ZGRF1: variants seen among roughly 807,000 people sequenced by gnomAD.
ZGRF1 encodes 5'-3' DNA helicase ZGRF1.
A neutral mutation model predicts 203.5 loss-of-function variants in ZGRF1; 196 were observed. That is an observed-to-expected ratio of 0.96 (90% CI 0.86 to 1.08). ZGRF1 has a LOEUF of 1.08. Among genes scored for constraint, ZGRF1 ranks in the 50% least tolerant of loss-of-function variants. The pLI, the probability that ZGRF1 is intolerant of heterozygous loss-of-function variation, is 0.00. For synonymous variants in ZGRF1, 809 were observed against 841.3 expected, an observed-to-expected ratio of 0.96 and a Z score of 0.66; for missense variants, 2,326 against 2,416.3, an observed-to-expected ratio of 0.96 and a Z score of 0.78.
At chr4:112,568,993 C>A (rs1423497398) in intron 16 of ZGRF1, among the ~76,000 whole-genome samples, 1 of 151,624 alleles carries the variant, frequency 6.6e-6, no homozygotes, top group South Asian at 2.1e-4. Flanking sequence ...TCCAGCCTGG[C>A]GACAGAGCAA....
chr4:112,619,959 T>G (rs62316616), intron 5 of ZGRF1, 43 bp downstream of exon 5: 5 of 1,422,278 alleles, frequency 3.5e-6, no homozygotes, highest in Non-Finnish European at 4.7e-6. Context: ...GAGACAATTT[T>G]ATAAATATAT....
At chr4:112,588,528 G>C (rs1476176209) in intron 11 of ZGRF1, among the ~76,000 whole-genome samples, 1 of 152,044 alleles carries the variant, frequency 6.6e-6, no homozygotes, top group East Asian at 1.9e-4. Flanking sequence ...TATAATTCTG[G>C]TAAACTCATG....
chr4:112,561,084 G>C (rs1045766486), intron 18 of ZGRF1, 89 bp from the exon 19 acceptor site: 11 of 1,054,870 alleles, frequency 1.0e-5, no homozygotes, highest in Non-Finnish European at 1.6e-5. Flanking sequence ...CCATCACTTT[G>C]TAAGCATTAC....
At chr4:112,583,692 T>A (rs1027954952) in intron 15 of ZGRF1, among the ~76,000 whole-genome samples, 3 of 151,926 alleles carry the variant, frequency 2.0e-5, no homozygotes, top group African/African-American at 7.3e-5. Context: ...AAGTCCTAGC[T>A]ACTCAGGAGG....
chr4:112,614,571 ATAATCC>A (rs2046800747), intron 6 of ZGRF1, among the ~76,000 whole-genome samples: 3 of 152,314 alleles, frequency 2.0e-5, no homozygotes, highest in Admixed American at 6.5e-5. Context: ...GCTCACGCCT[ATAATCC>A]CAGCACTTCG....
At chr4:112,548,651 T>C (rs954045250) in intron 22 of ZGRF1, among the ~76,000 whole-genome samples, 2 of 151,226 alleles carry the variant, frequency 1.3e-5, no homozygotes, top group African/African-American at 4.9e-5. Context: ...AGTATCACAA[T>C]ATCAAGCATT....
At chr4:112,584,552 T>G (rs80039839) in intron 14 of ZGRF1, among the ~76,000 whole-genome samples, 10,671 of 152,216 alleles carry the variant, frequency 0.07, 516 homozygotes, top group Non-Finnish European at 0.099. Context: ...AACAAACACA[T>G]GTAAATTTTT....
chr4:112,540,907 G>T lies in ZGRF1; in HGVS notation c.5824C>A (p.Leu1942Ile). ...FHNVAEATFT[L>I]KLIQSLIASG... The stretch of plus-strand genomic sequence containing the variant: ...GCAATCAGTGATTGAATCAGCTTGA[G>T]TGTAAACGTAGCTTCTGCCACATTA... Residue 1942 changes from leucine (L) to isoleucine (I), a missense_variant, in exon 26 of 28, where the codon CTC (leucine) becomes ATC (isoleucine). Coordinates refer to ENST00000505019, the MANE Select transcript of ZGRF1 (RefSeq NM_018392.5). 6.3e-7 allele frequency: 1 copy of T among 1,582,522 alleles called. No individual in the cohort carries two copies.
At chr4:112,616,384 G>C (rs1266860669) in intron 6 of ZGRF1, among the ~76,000 whole-genome samples, 1 of 151,642 alleles carries the variant, frequency 6.6e-6, no homozygotes, top group African/African-American at 2.4e-5. Context: ...AATTAGCTGG[G>C]CATGGTGGCG....
intron 21 of ZGRF1, among the ~76,000 whole-genome samples, chr4:112,554,342 A>G (rs1442479625): frequency 6.6e-6 from 1 of 151,822 alleles, no homozygotes; most frequent in African/African-American, 2.4e-5. Flanking sequence ...TGATCCCATT[A>G]CTGGGTATAT....
chr4:112,585,521 G>A lies in ZGRF1; in HGVS notation c.4101+20C>T. Reference sequence around the variant, plus strand: ...TAAGACAAGTATTTGGTATGGTAGGGGGAGGGGAAGCAAGAATACCTTATT... The same window carrying A: ...TAAGACAAGTATTTGGTATGGTAGGAGGAGGGGAAGCAAGAATACCTTATT... On this transcript the variant is annotated intron_variant, in intron 14 of 27. Coordinates refer to ENST00000505019, the MANE Select transcript of ZGRF1 (RefSeq NM_018392.5). The A allele has an allele frequency of 6.3e-7, 1 of 1,594,824 alleles. No individual in the cohort carries two copies. The highest frequency in any genetic ancestry group is 2.2e-5 in the East Asian group (1 of 44,528).
intron 22 of ZGRF1, 24 bp downstream of exon 22, chr4:112,553,811 C>T: frequency 6.3e-7 from 1 of 1,578,232 alleles, no homozygotes; most frequent in Non-Finnish European, 8.6e-7. Flanking sequence ...AATCAAGAAA[C>T]AAATTGAAGC....
At position 112,633,257 on chromosome 4, in the gene ZGRF1, G is replaced by C. The variant is rs62317767; in HGVS notation, c.-66-15C>G. On this transcript the variant is annotated splice_polypyrimidine_tract_variant and intron_variant, in intron 1 of 27. Transcript: ENST00000505019. Reference sequence around the variant, plus strand: ...ATTTATACCACCTAAAATTAAAAATGACATAAAATTTCAACCCTGATTTTT... The same window carrying C: ...ATTTATACCACCTAAAATTAAAAATCACATAAAATTTCAACCCTGATTTTT... 6.0e-6 allele frequency: 7 copies of C among 1,168,038 alleles called. No homozygotes were observed. The highest frequency in any genetic ancestry group is 1.4e-5 in the South Asian group (1 of 73,248). The allele number at this position is 1,168,038 out of a possible 1,614,324, so 72.4% of individuals were successfully genotyped here.
chr4:112,612,707 G>C, intron 6 of ZGRF1, 119 bp from the exon 7 acceptor site: 1 of 599,058 alleles, frequency 1.7e-6, no homozygotes, highest in Non-Finnish European at 3.0e-6. Flanking sequence ...AGACAATCTT[G>C]GTAATTGTTC....
intron 1 of ZGRF1, 110 bp from the exon 2 acceptor site, chr4:112,633,352 TA>T: frequency 1.7e-6 from 1 of 590,308 alleles, no homozygotes. Context: ...GTTCCAAGAT[TA>T]CCTAACTACC....
intron 11 of ZGRF1, chr4:112,589,483 G>C: frequency 1.9e-6 from 1 of 529,752 alleles, no homozygotes; most frequent in South Asian, 3.3e-5. Context: ...ATACTTTCAG[G>C]GGTCTGTGTT....
chr4:112,592,472 T>C (rs189380800), intron 10 of ZGRF1, among the ~76,000 whole-genome samples: 51 of 152,354 alleles, frequency 3.3e-4, no homozygotes, highest in Non-Finnish European at 6.5e-4. Context: ...AGGTCACCAC[T>C]GACCTCCAAG....
chr4:112,592,918 G>A (rs1748420439), intron 10 of ZGRF1, among the ~76,000 whole-genome samples: 3 of 152,110 alleles, frequency 2.0e-5, no homozygotes, highest in African/African-American at 7.2e-5. Context: ...TTACCCAACT[G>A]AATTAGTTAC....
chr4:112,606,075 C>T lies in ZGRF1; in HGVS notation c.2735G>A (p.Ser912Asn). The T allele has an allele frequency of 6.3e-7, 1 of 1,595,400 alleles. No homozygotes were observed. The highest frequency in any genetic ancestry group is 1.1e-5 in the South Asian group (1 of 88,240). ...AGCTTGAAAAGCAGTCTCTTCTTTACTTCCCGAGGAAGAGAACTAGGATAA... is the reference window on the plus strand; with the variant it reads ...AGCTTGAAAAGCAGTCTCTTCTTTATTTCCCGAGGAAGAGAACTAGGATAA... ...LQSVQFSSSG[S>N]KEETAFQAVI... Residue 912 changes from serine to asparagine, a missense_variant, in exon 9 of 28, where the codon AGT becomes AAT. By Grantham distance (46) the Ser-to-Asn change is conservative (BLOSUM62 1). Coordinates refer to ENST00000505019, the MANE Select transcript of ZGRF1 (RefSeq NM_018392.5).
Sources: gnomAD v4.1 joint callset for allele counts (sites outside exome capture counted in the v4.1 genomes callset) on GRCh38, gnomAD v4.1.1 for gene constraint, MANE v1.5 for transcripts, NCBI Gene and HGNC (gene_info 2026-07-23, HGNC 2026-07-21) for gene names.